SORCS3: variants seen among roughly 807,000 people sequenced by gnomAD.
SORCS3 encodes the protein sortilin related VPS10 domain containing receptor 3, also known as VPS10 domain-containing receptor SorCS3.
In SORCS3, 57 loss-of-function variants were observed where a neutral mutation model predicts 146.3. The observed-to-expected ratio is 0.39, with a 90% CI of 0.31 to 0.49. SORCS3 has a LOEUF of 0.49. Ranked by LOEUF, SORCS3 falls within the 20% of genes least tolerant of loss-of-function variation. The pLI, the probability that SORCS3 is intolerant of heterozygous loss-of-function variation, is 0.92. For synonymous variants in SORCS3, 653 were observed against 618.5 expected, an observed-to-expected ratio of 1.06 and a Z score of -0.83; for missense variants, 1,341 against 1,575.5, an observed-to-expected ratio of 0.85 and a Z score of 2.52.
chr10:104,998,226 A>G lies in SORCS3; in HGVS notation c.954+20733A>G, dbSNP rs577120908. ...GGAAAGAGAATTGGACTTGGATTCT[A>G]AAGGCCTGGATTTAATTCCCTGATT... is the stretch of plus-strand genomic sequence containing the variant. On this transcript the variant is annotated intron_variant, in intron 4 of 26. Transcript: ENST00000369701. Among the ~76,000 whole-genome samples, 4 of 152,306 alleles carry G rather than the reference A, an allele frequency of 2.6e-5. No individual in the cohort carries two copies. In the East Asian group the frequency reaches 5.8e-4, roughly 22 times the overall value.
chr10:104,924,711 C>T (rs2019121842), intron 3 of SORCS3, among the ~76,000 whole-genome samples: 1 of 152,142 alleles, frequency 6.6e-6, no homozygotes, highest in Non-Finnish European at 1.5e-5. Flanking sequence ...ACTGAGAAGT[C>T]ATTTAAATTC....
rs149856383 is a variant in SORCS3 at position 104,969,794 on chromosome 10, C to T, written c.796-7541C>T. 1.0e-3 allele frequency among the ~76,000 whole-genome samples: 157 copies of T among 152,144 alleles called. 1 individual carries two copies. Among genetic ancestry groups the T allele is most frequent in the African/African-American group, 3.7e-3 (152 of 41,508 alleles). On this transcript the variant is annotated intron_variant, in intron 3 of 26. Coordinates refer to ENST00000369701, the MANE Select transcript of SORCS3 (RefSeq NM_014978.3). ...ATATGTTAGTGTATGTGTGCTCACA[C>T]GTATGTGTTGTGTGTGGATTAATGT...
chr10:105,017,962 C>T (rs913614873), intron 4 of SORCS3, among the ~76,000 whole-genome samples: 1 of 152,072 alleles, frequency 6.6e-6, no homozygotes, highest in Non-Finnish European at 1.5e-5. Context: ...TTTCTCTGGA[C>T]CTAGTTTCTA....
Position 104,644,603 on chromosome 10 carries a change from T to A in SORCS3, c.627+2649T>A, listed in dbSNP as rs117030135. On this transcript the variant is annotated intron_variant, in intron 1 of 26. Coordinates refer to ENST00000369701, the MANE Select transcript of SORCS3 (RefSeq NM_014978.3). ...AGGACACTTTGGGAAGATTCCTTCATCATTGGTTTCAAAGTGGAGGGAGAT... is the reference window on the plus strand; with the variant it reads ...AGGACACTTTGGGAAGATTCCTTCAACATTGGTTTCAAAGTGGAGGGAGAT... Among the ~76,000 whole-genome samples the A allele has an allele frequency of 9.1e-4, 138 of 152,350 alleles. 1 individual carries two copies. The East Asian group carries it at 0.024, about 26-fold the overall frequency.
At chr10:104,790,610 CT>C (rs1352278170) in intron 1 of SORCS3, among the ~76,000 whole-genome samples, 1 of 152,150 alleles carries the variant, frequency 6.6e-6, no homozygotes, top group African/African-American at 2.4e-5. Context: ...TTAGTGCTGA[CT>C]TTCTATTCTG....
intron 1 of SORCS3, among the ~76,000 whole-genome samples, chr10:104,756,994 A>G (rs1308003756): frequency 6.6e-6 from 1 of 151,798 alleles, no homozygotes; most frequent in Non-Finnish European, 1.5e-5. Context: ...CATGTACAAG[A>G]TCAACAACCA....
intron 1 of SORCS3, among the ~76,000 whole-genome samples, chr10:104,669,189 T>C (rs2015820907): frequency 6.6e-6 from 1 of 152,248 alleles, no homozygotes; most frequent in South Asian, 2.1e-4. Context: ...ATAATATACA[T>C]GTACTAGAGT....
At chr10:104,954,827 G>T (rs1358130534) in intron 3 of SORCS3, among the ~76,000 whole-genome samples, 1 of 152,114 alleles carries the variant, frequency 6.6e-6, no homozygotes, top group African/African-American at 2.4e-5. Context: ...TTCATTAGGA[G>T]ACTTAACAAG....
chr10:105,055,334 G>A (rs1341122916), intron 5 of SORCS3, among the ~76,000 whole-genome samples: 1 of 152,162 alleles, frequency 6.6e-6, no homozygotes, highest in African/African-American at 2.4e-5. Flanking sequence ...GAGAGAATAT[G>A]CTTTATAAAC....
chr10:104,731,744 C>T (rs1366397351), intron 1 of SORCS3, among the ~76,000 whole-genome samples: 1 of 151,880 alleles, frequency 6.6e-6, no homozygotes, highest in Non-Finnish European at 1.5e-5. Flanking sequence ...AACTTAAGGA[C>T]AGGAACACTC....
intron 2 of SORCS3, among the ~76,000 whole-genome samples, chr10:104,892,199 T>C (rs548867509): frequency 2.0e-5 from 3 of 152,348 alleles, no homozygotes; most frequent in African/African-American, 7.2e-5. Context: ...ATTGTAAGTA[T>C]ACTAATAACT....
intron 25 of SORCS3, among the ~76,000 whole-genome samples, chr10:105,260,760 G>A (rs2119773225): frequency 6.6e-6 from 1 of 152,258 alleles, no homozygotes; most frequent in East Asian, 1.9e-4. Flanking sequence ...GGACAACAAA[G>A]TGATTTTCCT....
intron 1 of SORCS3, among the ~76,000 whole-genome samples, chr10:104,687,562 G>C (rs1319647273): frequency 6.6e-6 from 1 of 152,158 alleles, no homozygotes; most frequent in Non-Finnish European, 1.5e-5. Context: ...TGCACTGGGG[G>C]TAGGGGTAGG....
chr10:105,163,435 T>A (rs1273101183), intron 11 of SORCS3, among the ~76,000 whole-genome samples: 3 of 152,206 alleles, frequency 2.0e-5, no homozygotes, highest in Non-Finnish European at 4.4e-5. Context: ...ACATCAACAT[T>A]GGAACATGAT....
chr10:105,127,032 A>G (rs891092017), intron 7 of SORCS3, among the ~76,000 whole-genome samples: 8 of 152,154 alleles, frequency 5.3e-5, no homozygotes, highest in Admixed American at 3.9e-4. Context: ...AAGGTACTGA[A>G]CCAGTACTCG....
intron 1 of SORCS3, among the ~76,000 whole-genome samples, chr10:104,646,424 A>T (rs2015496248): frequency 6.6e-6 from 1 of 152,220 alleles, no homozygotes; most frequent in African/African-American, 2.4e-5. Context: ...AGTGGACAGA[A>T]GGGAAAATTG....
Position 105,221,210 on chromosome 10 carries a change from A to G in SORCS3, c.2735-1906A>G, listed in dbSNP as rs998551674. Among the ~76,000 whole-genome samples the G allele has an allele frequency of 2.0e-5, 3 of 152,214 alleles. No homozygotes were observed. The East Asian group carries it at 5.8e-4, about 29-fold the overall frequency. On this transcript the variant is annotated intron_variant, in intron 19 of 26. Coordinates refer to ENST00000369701, the MANE Select transcript of SORCS3 (RefSeq NM_014978.3). ...GGGCATCCATCCCCCTCAAGCATTT[A>G]TCCTTTACACATACACTGGCCTGGC...
At chr10:104,859,320 G>A (rs1253238026) in intron 2 of SORCS3, among the ~76,000 whole-genome samples, 1 of 152,100 alleles carries the variant, frequency 6.6e-6, no homozygotes, top group Non-Finnish European at 1.5e-5. Flanking sequence ...AATGGGGAAA[G>A]GATTCCCTAT....
At chr10:104,897,206 A>T (rs962791592) in intron 2 of SORCS3, among the ~76,000 whole-genome samples, 1 of 152,238 alleles carries the variant, frequency 6.6e-6, no homozygotes, top group Non-Finnish European at 1.5e-5. Context: ...AAAAGGTAAC[A>T]GTCTGTGGGC....
Sources: gnomAD v4.1 joint callset for allele counts (sites outside exome capture counted in the v4.1 genomes callset) on GRCh38, gnomAD v4.1.1 for gene constraint, MANE v1.5 for transcripts, NCBI Gene and HGNC (gene_info 2026-07-23, HGNC 2026-07-21) for gene names.